PLEKHA5: variants seen among roughly 807,000 people sequenced by gnomAD.
PLEKHA5 encodes the protein pleckstrin homology domain containing A5, also known as pleckstrin homology domain-containing family A member 5.
Under a neutral mutation model 181.9 loss-of-function variants are expected in PLEKHA5, and 55 were observed. The ratio of observed to expected loss-of-function variants is 0.30; its 90% CI spans 0.24 to 0.38. The LOEUF (loss-of-function observed/expected upper bound fraction) is 0.38, where lower values mean the gene tolerates loss of function less well. PLEKHA5 is among the 10% of genes least tolerant of loss of function. The pLI, the probability that PLEKHA5 is intolerant of heterozygous loss-of-function variation, is 1.00. For synonymous variants in PLEKHA5, 535 were observed against 529.4 expected (o/e 1.01, Z -0.15); for missense variants, 1,432 against 1,549.5 (o/e 0.92, Z 1.27).
At chr12:19,285,969 C>T (rs1037291453) in intron 12 of PLEKHA5, among the ~76,000 whole-genome samples, 8 of 152,240 alleles carry the variant, frequency 5.3e-5, no homozygotes, top group East Asian at 1.9e-4. Context: ...AATATTCAGA[C>T]GTGGTATTTG....
intron 3 of PLEKHA5, among the ~76,000 whole-genome samples, chr12:19,142,108 C>G (rs1434307499): frequency 6.6e-6 from 1 of 152,082 alleles, no homozygotes; most frequent in African/African-American, 2.4e-5. Context: ...GCCTGTAATC[C>G]CAACACTTTG....
At chr12:19,327,814 T>A (rs2092389405) in intron 20 of PLEKHA5, among the ~76,000 whole-genome samples, 1 of 151,994 alleles carries the variant, frequency 6.6e-6, no homozygotes, top group Non-Finnish European at 1.5e-5. Flanking sequence ...CTGGCTACTT[T>A]TTGTATTTTT....
intron 8 of PLEKHA5, among the ~76,000 whole-genome samples, chr12:19,268,424 TTC>T (rs1289519155): frequency 6.6e-6 from 1 of 152,230 alleles, no homozygotes; most frequent in African/African-American, 2.4e-5. Flanking sequence ...TAAGTATATT[TTC>T]TCTGCAATTA....
chr12:19,249,559 C>A (rs949997178), intron 3 of PLEKHA5, among the ~76,000 whole-genome samples: 1 of 152,022 alleles, frequency 6.6e-6, no homozygotes, highest in Non-Finnish European at 1.5e-5. Flanking sequence ...GTAACTGAAA[C>A]CATAGAAAGC....
In PLEKHA5 at chr12:19,158,363, A is replaced by T. The variant is rs963642550; in HGVS notation, c.227+25913A>T. On this transcript the variant is annotated intron_variant, in intron 3 of 31. Coordinates refer to ENST00000429027, the MANE Select transcript of PLEKHA5 (RefSeq NM_001256470.2). The stretch of plus-strand genomic sequence containing the variant: ...GTGAGACTCCGACTCAAAAAAAAAA[A>T]TTTAAGTTTATAAACTTAGATTTAA... Among the ~76,000 whole-genome samples, 12 of 152,130 alleles carry T rather than the reference A, an allele frequency of 7.9e-5. No homozygotes were observed. In the East Asian group the frequency reaches 1.2e-3, roughly 15 times the overall value.
chr12:19,252,097 C>G (rs985412373), intron 3 of PLEKHA5, among the ~76,000 whole-genome samples: 2 of 151,790 alleles, frequency 1.3e-5, no homozygotes, highest in Admixed American at 6.6e-5. Context: ...TTACAATAGT[C>G]AATATGGAAT....
intron 3 of PLEKHA5, among the ~76,000 whole-genome samples, chr12:19,224,568 T>G (rs2152326423): frequency 6.6e-6 from 1 of 152,266 alleles, no homozygotes; most frequent in Non-Finnish European, 1.5e-5. Context: ...TTTTTAAAAA[T>G]TGTTGCATAA....
intron 3 of PLEKHA5, among the ~76,000 whole-genome samples, chr12:19,239,652 T>C (rs576811259): frequency 1.3e-5 from 2 of 152,348 alleles, no homozygotes; most frequent in African/African-American, 4.8e-5. Flanking sequence ...AAAACTTATA[T>C]AACACATTTT....
chr12:19,340,479 A>G (rs920992688), intron 21 of PLEKHA5, among the ~76,000 whole-genome samples: 16 of 142,526 alleles, frequency 1.1e-4, no homozygotes, highest in Admixed American at 7.9e-4. Context: ...AGAACGGGCC[A>G]TGATGACAAT....
rs2095529166 is a variant in PLEKHA5, at chr12:19,369,692, G to A, written c.3755-1G>A. 1.9e-6 allele frequency: 3 copies of A among 1,594,984 alleles called. No homozygotes were observed. The highest frequency in any genetic ancestry group is 1.1e-5 in the South Asian group (1 of 88,806). ...TCTCCCATTTTCTTTGTGTGTTTTA[G>A]TGAAAAGTCTGTCCCCATCTCCTGA... is the stretch of plus-strand genomic sequence containing the variant. On this transcript the variant is annotated splice_acceptor_variant, in intron 30 of 31. Transcript: ENST00000429027. LOFTEE classifies it high-confidence loss of function.
chr12:19,217,831 A>G (rs1356028278), intron 3 of PLEKHA5, among the ~76,000 whole-genome samples: 1 of 152,224 alleles, frequency 6.6e-6, no homozygotes, highest in Non-Finnish European at 1.5e-5. Flanking sequence ...AAGATGAAAG[A>G]GCTGAGGGAA....
chr12:19,307,003 G>C (rs1256568373), intron 15 of PLEKHA5: 1 of 1,494,642 alleles, frequency 6.7e-7, no homozygotes, highest in Admixed American at 1.7e-5. Context: ...GGCTGCTTTG[G>C]GGGCTCCTAC....
At chr12:19,159,656 T>A (rs1340769185) in intron 3 of PLEKHA5, among the ~76,000 whole-genome samples, 1 of 152,204 alleles carries the variant, frequency 6.6e-6, no homozygotes, top group African/African-American at 2.4e-5. Context: ...AACTTTTAAA[T>A]GTCTTTTCTA....
At chr12:19,164,250 G>A (rs2043747972) in intron 3 of PLEKHA5, among the ~76,000 whole-genome samples, 2 of 141,500 alleles carry the variant, frequency 1.4e-5, no homozygotes, top group African/African-American at 5.2e-5. Context: ...CCAGGGTGGA[G>A]TGCAGTGGTG....
chr12:19,245,912 A>G lies in PLEKHA5; in HGVS notation c.228-8028A>G, dbSNP rs371078296. On this transcript the variant is annotated intron_variant, in intron 3 of 31. Transcript: ENST00000429027. Reference sequence around the variant, plus strand: ...CCTGAGTCATCATCTCTTTGAAATCATAAGTATTATTTTAAAATAGTTCTT... The same window carrying G: ...CCTGAGTCATCATCTCTTTGAAATCGTAAGTATTATTTTAAAATAGTTCTT... Among the ~76,000 whole-genome samples, 9 of 151,698 alleles carry G rather than the reference A, an allele frequency of 5.9e-5. No homozygotes were observed. In the South Asian group the frequency reaches 6.2e-4, roughly 11 times the overall value.
intron 12 of PLEKHA5, among the ~76,000 whole-genome samples, chr12:19,286,539 A>G (rs1010725180): frequency 3.9e-5 from 6 of 152,220 alleles, no homozygotes; most frequent in African/African-American, 1.4e-4. Context: ...AACAGATACA[A>G]GAATCCAGCC....
intron 15 of PLEKHA5, among the ~76,000 whole-genome samples, chr12:19,300,990 A>T (rs2081324761): frequency 6.6e-6 from 1 of 150,434 alleles, no homozygotes; most frequent in South Asian, 2.1e-4. Context: ...AAAAAAAAAA[A>T]AAATACAAAA....
intron 31 of PLEKHA5, among the ~76,000 whole-genome samples, chr12:19,374,729 C>T (rs984047120): frequency 1.1e-4 from 16 of 151,542 alleles, no homozygotes; most frequent in Non-Finnish European, 1.6e-4. Flanking sequence ...CCGAGGCGGG[C>T]GGATTGCCTG....
At chr12:19,240,391 A>G (rs769149716) in intron 3 of PLEKHA5, among the ~76,000 whole-genome samples, 17 of 150,216 alleles carry the variant, frequency 1.1e-4, no homozygotes, top group Non-Finnish European at 1.8e-4. Flanking sequence ...ATAAACTTCT[A>G]TATAATGCAT....
Sources: allele counts gnomAD v4.1 joint callset (sites outside exome capture counted in the v4.1 genomes callset), GRCh38; gene constraint gnomAD v4.1.1; transcripts MANE v1.5; gene names NCBI Gene and HGNC (gene_info 2026-07-23, HGNC 2026-07-21).